FAM13A: variants seen among roughly 807,000 people sequenced by gnomAD.
The protein encoded by FAM13A is protein FAM13A.
In FAM13A, 76 loss-of-function variants were observed where a neutral mutation model predicts 129.6. The ratio of observed to expected loss-of-function variants is 0.59; its 90% confidence interval spans 0.49 to 0.71. The LOEUF (loss-of-function observed/expected upper bound fraction) is 0.71, where lower values mean the gene tolerates loss of function less well. FAM13A is among the 30% of genes least tolerant of loss of function. FAM13A has a pLI of 0.00. For missense variants in FAM13A, 1,108 were observed against 1,249.3 expected (o/e 0.89, Z 1.70); for synonymous variants, 443 against 449.9 (o/e 0.98, Z 0.20).
chr4:88,961,771 G>A (rs1358406783), intron 4 of FAM13A, among the ~76,000 whole-genome samples: 2 of 152,074 alleles, frequency 1.3e-5, no homozygotes, highest in African/African-American at 4.8e-5. Context: ...AAAGACTTGA[G>A]GGTCTAACTC....
At chr4:88,873,672 C>T (rs544970230) in intron 6 of FAM13A, among the ~76,000 whole-genome samples, 187 of 152,218 alleles carry the variant, frequency 1.2e-3, no homozygotes, top group African/African-American at 4.2e-3. Context: ...CAAAAAAAGT[C>T]CAGGACCAGA....
At chr4:88,768,203 A>T (rs3756049) in intron 11 of FAM13A, 144 bp from the exon 12 acceptor site, 2 of 538,794 alleles carry the variant, frequency 3.7e-6, no homozygotes, top group Non-Finnish European at 6.7e-6. Context: ...TGTTTAAACT[A>T]GTAAAATTAT....
chr4:88,804,770 T>C (rs1042761431), intron 8 of FAM13A, among the ~76,000 whole-genome samples: 1 of 152,188 alleles, frequency 6.6e-6, no homozygotes, highest in Admixed American at 6.5e-5. Context: ...AATGATCACC[T>C]TGGCACTTTT....
chr4:88,744,455 G>A (rs145336392), intron 19 of FAM13A, among the ~76,000 whole-genome samples: 5 of 152,318 alleles, frequency 3.3e-5, no homozygotes, highest in Non-Finnish European at 2.9e-5. Flanking sequence ...AGAGTGCCCT[G>A]AGAAAGCAAA....
chr4:88,733,377 C>G (rs1490309498), intron 21 of FAM13A, among the ~76,000 whole-genome samples: 5 of 152,230 alleles, frequency 3.3e-5, no homozygotes, highest in Non-Finnish European at 7.3e-5. Flanking sequence ...CAGATTGTCT[C>G]AGCTGTGACT....
intron 3 of FAM13A, among the ~76,000 whole-genome samples, chr4:89,017,127 C>T (rs1766605223): frequency 6.6e-6 from 1 of 152,122 alleles, no homozygotes; most frequent in Admixed American, 6.5e-5. Context: ...ATGATGTTCA[C>T]ACAACAATGA....
At chr4:88,891,243 G>T (rs1745257140) in intron 6 of FAM13A, among the ~76,000 whole-genome samples, 1 of 152,082 alleles carries the variant, frequency 6.6e-6, no homozygotes, top group Non-Finnish European at 1.5e-5. Flanking sequence ...GGACAACATG[G>T]CAAAACCACG....
intron 7 of FAM13A, among the ~76,000 whole-genome samples, chr4:88,816,556 C>T (rs1018254323): frequency 1.8e-4 from 27 of 152,112 alleles, no homozygotes; most frequent in African/African-American, 6.3e-4. Flanking sequence ...CAGTAAGTGT[C>T]TATATATTAG....
At chr4:89,053,878 C>T (rs538157818) in intron 1 of FAM13A, among the ~76,000 whole-genome samples, 81 of 152,224 alleles carry the variant, frequency 5.3e-4, no homozygotes, top group Middle Eastern at 6.8e-3. Context: ...ATCCTGATGC[C>T]ACATTGGATA....
chr4:88,779,920 C>T (rs1452770497), intron 11 of FAM13A, among the ~76,000 whole-genome samples: 1 of 152,164 alleles, frequency 6.6e-6, no homozygotes, highest in Non-Finnish European at 1.5e-5. Flanking sequence ...CTCAGACTTT[C>T]AGTCACCAGA....
chr4:88,980,075 A>T (rs918369786), intron 4 of FAM13A, among the ~76,000 whole-genome samples: 1 of 152,248 alleles, frequency 6.6e-6, no homozygotes, highest in Admixed American at 6.5e-5. Context: ...GTTAAAAATG[A>T]TGATGTAGAA....
At position 88,787,825 on chromosome 4, in the gene FAM13A, G is replaced by A. The variant is rs1203892238; in HGVS notation, c.1199C>T (p.Ser400Phe). The change falls in exon 10 of 24, where the codon TCT (serine) becomes TTT (phenylalanine). Residue 400 changes from serine to phenylalanine, a missense_variant. Transcript: ENST00000264344. Reference sequence around the variant, plus strand: ...GCGCTGTCTGGCAGATGTGGCAGAAGATGCTGATAGTGTTCCAGATTCTGA... The same window carrying A: ...GCGCTGTCTGGCAGATGTGGCAGAAAATGCTGATAGTGTTCCAGATTCTGA... ...EDSESGTLSASSATSARQRRR... is the reference protein window; with the variant it reads ...EDSESGTLSAFSATSARQRRR... 4.3e-6 allele frequency: 7 copies of A among 1,613,548 alleles called. No individual in the cohort carries two copies. The highest frequency in any genetic ancestry group is 1.7e-5 in the Admixed American group (1 of 59,960).
intron 14 of FAM13A, among the ~76,000 whole-genome samples, chr4:88,751,225 G>C (rs996602491): frequency 2.6e-5 from 4 of 152,148 alleles, no homozygotes; most frequent in Non-Finnish European, 5.9e-5. Context: ...CTGGGCGACA[G>C]AGTGAGACTT....
At chr4:89,045,883 G>C (rs1770778076) in intron 1 of FAM13A, among the ~76,000 whole-genome samples, 1 of 151,966 alleles carries the variant, frequency 6.6e-6, no homozygotes, top group African/African-American at 2.4e-5. Flanking sequence ...AATTAGCTGG[G>C]CATGGTGACG....
At chr4:89,028,487 G>A (rs902968134) in intron 2 of FAM13A, among the ~76,000 whole-genome samples, 12 of 152,044 alleles carry the variant, frequency 7.9e-5, no homozygotes, top group Admixed American at 4.6e-4. Context: ...GTTCAGAACC[G>A]GCTGGGGCAA....
intron 3 of FAM13A, among the ~76,000 whole-genome samples, chr4:89,019,653 C>A (rs998634440): frequency 2.0e-5 from 3 of 149,804 alleles, no homozygotes; most frequent in Non-Finnish European, 3.0e-5. Flanking sequence ...CCCAGCTACT[C>A]AGGAGGCTGA....
chr4:88,744,042 A>G (rs3775391), intron 19 of FAM13A, among the ~76,000 whole-genome samples: 26,480 of 152,174 alleles, frequency 0.17, 2,924 homozygotes, highest in South Asian at 0.32. Context: ...CATAATAGAC[A>G]GTAAAAAGAT....
chr4:88,733,042 T>C (rs1184780412), intron 21 of FAM13A, among the ~76,000 whole-genome samples: 1 of 152,078 alleles, frequency 6.6e-6, no homozygotes, highest in Non-Finnish European at 1.5e-5. Context: ...TAACTTACTA[T>C]CCTAAAAAAT....
chr4:88,751,612 TAA>T (rs10542643), intron 14 of FAM13A, among the ~76,000 whole-genome samples: 85,502 of 148,828 alleles, frequency 0.57, 26,480 homozygotes, highest in Non-Finnish European at 0.72. Context: ...GATAATCTGT[TAA>T]AAAAAAAAAA....
Sources: gnomAD v4.1 joint callset for allele counts (sites outside exome capture counted in the v4.1 genomes callset) on GRCh38, gnomAD v4.1.1 for gene constraint, MANE v1.5 for transcripts, NCBI Gene and HGNC (gene_info 2026-07-23, HGNC 2026-07-21) for gene names.